Variants in CHRNA7 observed in about 807,000 individuals in gnomAD.
CHRNA7 encodes cholinergic receptor nicotinic alpha 7 subunit.
In CHRNA7, 17 loss-of-function variants were observed where a neutral mutation model predicts 48.0. That is an observed-to-expected ratio of 0.35 (90% CI 0.24 to 0.53). The LOEUF is 0.53. Ranked by LOEUF, CHRNA7 falls within the 20% of genes least tolerant of loss-of-function variation. The pLI, the probability that CHRNA7 is intolerant of heterozygous loss-of-function variation, is 0.92. For missense variants in CHRNA7, 155 were observed against 577.7 expected (o/e 0.27, Z 7.50); for synonymous variants, 75 against 242.3 (o/e 0.31, Z 6.41).
chr15:32,144,335 C>T (rs1389172848), intron 4 of CHRNA7, among the ~76,000 whole-genome samples: 1 of 152,166 alleles, frequency 6.6e-6, no homozygotes, highest in Non-Finnish European at 1.5e-5. Context: ...TTCCCTCTGG[C>T]TGCTGTTAAC....
chr15:32,040,592 G>A (rs1595374400), intron 2 of CHRNA7, among the ~76,000 whole-genome samples: 1 of 94,344 alleles, frequency 1.1e-5, no homozygotes, highest in East Asian at 2.0e-4. Flanking sequence ...GTGTGTGTGT[G>A]TGTATATGTG....
At chr15:32,101,089 T>A (rs1036519662) in intron 2 of CHRNA7, 2 of 476,446 alleles carry the variant, frequency 4.2e-6, no homozygotes, top group Non-Finnish European at 7.2e-6. Context: ...CCATCTTTTT[T>A]AAGTGCTGTA....
At chr15:32,097,260 G>A (rs975799247) in intron 2 of CHRNA7, among the ~76,000 whole-genome samples, 3 of 152,110 alleles carry the variant, frequency 2.0e-5, no homozygotes, top group Admixed American at 1.3e-4. Flanking sequence ...TAGCCAGGGG[G>A]GCAGCTTGAG....
intron 2 of CHRNA7, among the ~76,000 whole-genome samples, chr15:32,089,355 C>T (rs951687686): frequency 3.9e-5 from 6 of 151,986 alleles, no homozygotes; most frequent in African/African-American, 1.4e-4. Flanking sequence ...TCTGTTGACA[C>T]ATTATCCAGC....
At chr15:32,098,912 T>TACACACACAC (rs1272048098) in intron 2 of CHRNA7, 5 of 56,760 alleles carry the variant, frequency 8.8e-5, no homozygotes, top group Admixed American at 5.1e-4. Context: ...ACACACACTT[T>TACACACACAC]TTATTCTAGG....
intron 2 of CHRNA7, among the ~76,000 whole-genome samples, chr15:32,050,048 A>G (rs944738140): frequency 6.6e-6 from 1 of 151,954 alleles, no homozygotes; most frequent in Admixed American, 6.6e-5. Flanking sequence ...TTTGTGGGTA[A>G]CCCGACCTTT....
At chr15:32,058,809 A>G (rs2049829135) in intron 2 of CHRNA7, among the ~76,000 whole-genome samples, 1 of 152,174 alleles carries the variant, frequency 6.6e-6, no homozygotes, top group Admixed American at 6.6e-5. Flanking sequence ...CTTTGGATGC[A>G]TATATCACTG....
intron 4 of CHRNA7, among the ~76,000 whole-genome samples, chr15:32,117,954 T>C (rs1218775967): frequency 6.6e-6 from 1 of 152,230 alleles, no homozygotes; most frequent in Non-Finnish European, 1.5e-5. Context: ...TACAAATATT[T>C]GAATATCTGT....
intron 2 of CHRNA7, among the ~76,000 whole-genome samples, chr15:32,094,991 T>C (rs553349606): frequency 5.3e-5 from 8 of 152,380 alleles, no homozygotes; most frequent in Non-Finnish European, 1.0e-4. Context: ...CCTTGCAGCA[T>C]GCTGCAGAGA....
rs139226980 is a variant in CHRNA7 at position 32,045,134 on chromosome 15, T to G, written c.195+14097T>G. ...AGCTCTCAAGCTTGTTCTGATTTTCTTCAAATATATTAATAAGACTTTTTT... is the reference window on the plus strand; with the variant it reads ...AGCTCTCAAGCTTGTTCTGATTTTCGTCAAATATATTAATAAGACTTTTTT... On this transcript the variant is annotated intron_variant, in intron 2 of 9. Coordinates refer to ENST00000306901, the MANE Select transcript of CHRNA7 (RefSeq NM_000746.6). 2.0e-3 allele frequency among the ~76,000 whole-genome samples: 305 copies of G among 152,342 alleles called. 2 individuals are homozygous for G. The highest frequency in any genetic ancestry group is 6.8e-3 in the African/African-American group (281 of 41,566).
chr15:32,126,451 G>C (rs2051067964), intron 4 of CHRNA7, among the ~76,000 whole-genome samples: 1 of 152,158 alleles, frequency 6.6e-6, no homozygotes, highest in Non-Finnish European at 1.5e-5. Flanking sequence ...CTGACTTCAG[G>C]TTGAGGGCAA....
intron 4 of CHRNA7, among the ~76,000 whole-genome samples, chr15:32,129,588 G>A (rs1323645252): frequency 2.0e-5 from 3 of 151,726 alleles, no homozygotes; most frequent in South Asian, 4.2e-4. Context: ...TCATTCTTTT[G>A]ATGTCTACAA....
intron 2 of CHRNA7, among the ~76,000 whole-genome samples, chr15:32,068,129 G>A (rs537488601): frequency 6.6e-6 from 1 of 152,124 alleles, no homozygotes; most frequent in South Asian, 2.1e-4. Flanking sequence ...CTGGGTTACA[G>A]AGTGAGGCCC....
At chr15:32,094,976 T>A (rs2050443265) in intron 2 of CHRNA7, among the ~76,000 whole-genome samples, 1 of 152,236 alleles carries the variant, frequency 6.6e-6, no homozygotes, top group South Asian at 2.1e-4. Context: ...TGCTACCTAT[T>A]CAGTCCTTGC....
chr15:32,138,731 ATGTTT>A lies in CHRNA7; in HGVS notation c.351-15140_351-15136del, dbSNP rs56884132. Among the ~76,000 whole-genome samples the A allele has an allele frequency of 3.5e-3, 517 of 146,210 alleles. 2 individuals carry two copies. The highest frequency in any genetic ancestry group is 4.3e-3 in the Non-Finnish European group (285 of 66,686). On this transcript the variant is annotated intron_variant, in intron 4 of 9. Transcript: ENST00000306901. Reference sequence around the variant, plus strand: ...AATCCATGGCAGCCATTGACCTGTTATGTTTTGTTTTGTTTTGTTTTGTTTTGTTT... The same window carrying A: ...AATCCATGGCAGCCATTGACCTGTTATGTTTTGTTTTGTTTTGTTTTGTTT...
chr15:32,038,159 A>G (rs1243123705), intron 2 of CHRNA7, among the ~76,000 whole-genome samples: 1 of 147,272 alleles, frequency 6.8e-6, no homozygotes, highest in Non-Finnish European at 1.5e-5. Context: ...TACATTTTGT[A>G]TATTTATTTA....
chr15:32,083,121 GT>G (rs2050241612), intron 2 of CHRNA7, among the ~76,000 whole-genome samples: 1 of 152,178 alleles, frequency 6.6e-6, no homozygotes, highest in Admixed American at 6.5e-5. Flanking sequence ...GTCCCCCAAA[GT>G]TCATATGTTG....
chr15:32,166,172 G>A (rs1323797410), intron 9 of CHRNA7: 12 of 152,308 alleles, frequency 7.9e-5, no homozygotes, highest in Admixed American at 2.6e-4. Context: ...ATTGTACATC[G>A]TTGGGCCAGT....
chr15:32,075,613 G>A (rs1424062207), intron 2 of CHRNA7, among the ~76,000 whole-genome samples: 1 of 151,882 alleles, frequency 6.6e-6, no homozygotes, highest in Admixed American at 6.6e-5. Context: ...CTCGCTAAAG[G>A]TTTTTCAATG....
Sources: gnomAD v4.1 joint callset for allele counts (sites outside exome capture counted in the v4.1 genomes callset) on GRCh38, gnomAD v4.1.1 for gene constraint, MANE v1.5 for transcripts, NCBI Gene and HGNC (gene_info 2026-07-23, HGNC 2026-07-21) for gene names.